The following AUTS2 variants were observed in gnomAD, a reference collection of about 807,000 sequenced individuals.
The protein encoded by AUTS2 is autism susceptibility gene 2 protein.
In AUTS2, 17 loss-of-function variants were observed where a neutral mutation model predicts 112.4. That is an observed-to-expected ratio of 0.15 (90% CI 0.10 to 0.23). AUTS2 has a LOEUF of 0.23. Ranked by LOEUF, AUTS2 falls within the 10% of genes least tolerant of loss-of-function variation. The pLI, the probability that AUTS2 is intolerant of heterozygous loss-of-function variation, is 1.00. For synonymous variants in AUTS2, 751 were observed against 702.7 expected (o/e 1.07, Z -1.09); for missense variants, 1,510 against 1,701.6 (o/e 0.89, Z 1.98).
At chr7:70,127,254 C>G (rs1806026422) in intron 3 of AUTS2, among the ~76,000 whole-genome samples, 1 of 152,074 alleles carries the variant, frequency 6.6e-6, no homozygotes. Context: ...GTGCCCCGGC[C>G]TCCTGAGTAG....
intron 2 of AUTS2, among the ~76,000 whole-genome samples, chr7:69,948,441 T>C (rs937971931): frequency 2.0e-5 from 3 of 152,162 alleles, no homozygotes; most frequent in Non-Finnish European, 4.4e-5. Flanking sequence ...ATTAAGCAAA[T>C]AAAAACATAC....
intron 4 of AUTS2, among the ~76,000 whole-genome samples, chr7:70,404,353 G>A (rs1197387331): frequency 2.0e-5 from 3 of 151,992 alleles, no homozygotes; most frequent in African/African-American, 7.3e-5. Flanking sequence ...CTTTATTCCT[G>A]TCTATATCTC....
intron 6 of AUTS2, among the ~76,000 whole-genome samples, chr7:70,705,512 C>G (rs924995157): frequency 6.6e-6 from 1 of 152,166 alleles, no homozygotes; most frequent in Non-Finnish European, 1.5e-5. Flanking sequence ...CCTACTTGCC[C>G]AGTCTGTGCT....
chr7:69,737,436 C>T (rs1026601814), intron 1 of AUTS2, among the ~76,000 whole-genome samples: 4 of 152,122 alleles, frequency 2.6e-5, no homozygotes, highest in African/African-American at 7.2e-5. Flanking sequence ...TAGTAAAAGT[C>T]GGGCAGAGTC....
intron 1 of AUTS2, among the ~76,000 whole-genome samples, chr7:69,830,913 A>G (rs1185207597): frequency 6.6e-6 from 1 of 152,170 alleles, no homozygotes; most frequent in Non-Finnish European, 1.5e-5. Context: ...GATTTGAGGA[A>G]TGCCGATGGT....
intron 4 of AUTS2, among the ~76,000 whole-genome samples, chr7:70,208,988 G>T (rs1022165895): frequency 6.6e-6 from 1 of 152,080 alleles, no homozygotes; most frequent in African/African-American, 2.4e-5. Flanking sequence ...AGTTGCAGTG[G>T]ATTAACCTGG....
chr7:69,876,625 A>T (rs1323853178), intron 1 of AUTS2, among the ~76,000 whole-genome samples: 3 of 146,392 alleles, frequency 2.0e-5, no homozygotes, highest in African/African-American at 7.5e-5. Flanking sequence ...GATAGGTGTG[A>T]GACAGTCTTT....
intron 5 of AUTS2, among the ~76,000 whole-genome samples, chr7:70,640,421 GAAAAAAAA>G (rs57911940): frequency 1.1e-5 from 1 of 93,616 alleles, no homozygotes; most frequent in Non-Finnish European, 1.9e-5. Context: ...CTCACAGGGG[GAAAAAAAA>G]AAAAAAAAAA....
At chr7:70,172,841 T>G (rs1808774766) in intron 4 of AUTS2, among the ~76,000 whole-genome samples, 1 of 152,202 alleles carries the variant, frequency 6.6e-6, no homozygotes, top group South Asian at 2.1e-4. Flanking sequence ...AATTGATGAC[T>G]CTCAGTTCAT....
At chr7:70,545,067 C>T (rs1388793851) in intron 5 of AUTS2, among the ~76,000 whole-genome samples, 2 of 152,126 alleles carry the variant, frequency 1.3e-5, no homozygotes, top group South Asian at 2.1e-4. Context: ...CTCTTTCATC[C>T]AAGACAGTGA....
intron 11 of AUTS2, among the ~76,000 whole-genome samples, chr7:70,773,724 AAG>A (rs1241200416): frequency 6.6e-6 from 1 of 152,230 alleles, no homozygotes; most frequent in African/African-American, 2.4e-5. Context: ...CATTCAGAGG[AAG>A]AGGAGTTCCA....
chr7:70,747,359 C>T (rs908620185), intron 6 of AUTS2, among the ~76,000 whole-genome samples: 1 of 152,188 alleles, frequency 6.6e-6, no homozygotes, highest in African/African-American at 2.4e-5. Flanking sequence ...TGACTTACTC[C>T]AGCTGTATCC....
intron 5 of AUTS2, among the ~76,000 whole-genome samples, chr7:70,480,963 G>A (rs1269000502): frequency 2.6e-5 from 4 of 152,166 alleles, no homozygotes; most frequent in African/African-American, 7.2e-5. Context: ...GAGGTGAGCC[G>A]TGCACATTGT....
intron 5 of AUTS2, among the ~76,000 whole-genome samples, chr7:70,496,670 G>A (rs868082136): frequency 3.6e-4 from 32 of 88,630 alleles, no homozygotes; most frequent in South Asian, 1.2e-3. Flanking sequence ...CATCAGCATC[G>A]ATCACACACC....
chr7:69,806,888 G>A (rs1790332622), intron 1 of AUTS2, among the ~76,000 whole-genome samples: 1 of 152,114 alleles, frequency 6.6e-6, no homozygotes, highest in Non-Finnish European at 1.5e-5. Flanking sequence ...GTACTTGTTG[G>A]ACTCTTCATC....
chr7:69,911,555 A>G (rs1795359780), intron 2 of AUTS2, among the ~76,000 whole-genome samples: 1 of 152,194 alleles, frequency 6.6e-6, no homozygotes, highest in Non-Finnish European at 1.5e-5. Context: ...AGCAAGGCAG[A>G]GAGGAGCTTT....
intron 2 of AUTS2, among the ~76,000 whole-genome samples, chr7:69,908,885 C>T (rs1405352205): frequency 6.6e-6 from 1 of 152,104 alleles, no homozygotes; most frequent in African/African-American, 2.4e-5. Flanking sequence ...GGTCTTTGAA[C>T]CCCTATGTCA....
intron 2 of AUTS2, among the ~76,000 whole-genome samples, chr7:69,967,760 A>T (rs1797690384): frequency 6.6e-6 from 1 of 152,102 alleles, no homozygotes; most frequent in Non-Finnish European, 1.5e-5. Flanking sequence ...TGAGACAATG[A>T]TCAAGTCAAG....
At chr7:70,026,282 A>G (rs1800520835) in intron 2 of AUTS2, among the ~76,000 whole-genome samples, 1 of 152,164 alleles carries the variant, frequency 6.6e-6, no homozygotes, top group African/African-American at 2.4e-5. Flanking sequence ...GCTCCCAGCC[A>G]TTGTCTTCTA....
Sources: allele counts gnomAD v4.1 joint callset (sites outside exome capture counted in the v4.1 genomes callset), GRCh38; gene constraint gnomAD v4.1.1; transcripts MANE v1.5; gene names NCBI Gene and HGNC (gene_info 2026-07-23, HGNC 2026-07-21).